ARHGAP26: variants seen among roughly 807,000 people sequenced by gnomAD.
ARHGAP26 encodes rho GTPase-activating protein 26.
ARHGAP26 carries 38 observed loss-of-function variants against 104.8 expected under a neutral mutation model. The observed-to-expected ratio is 0.36, with a 90% CI of 0.28 to 0.48. The LOEUF (loss-of-function observed/expected upper bound fraction) is 0.48, where lower values mean the gene tolerates loss of function less well. Among genes scored for constraint, ARHGAP26 ranks in the 20% least tolerant of loss-of-function variants. ARHGAP26 has a pLI of 0.99. For missense variants in ARHGAP26, 704 were observed against 947.9 expected, an observed-to-expected ratio of 0.74 and a Z score of 3.38; for synonymous variants, 341 against 340.0, an observed-to-expected ratio of 1.00 and a Z score of -0.03.
intron 1 of ARHGAP26, among the ~76,000 whole-genome samples, chr5:142,805,780 C>T (rs1223653383): frequency 6.6e-6 from 1 of 152,200 alleles, no homozygotes; most frequent in Non-Finnish European, 1.5e-5. Context: ...CTCTCCTTCT[C>T]TATGAAGCCA....
intron 1 of ARHGAP26, among the ~76,000 whole-genome samples, chr5:142,776,153 G>A (rs796813035): frequency 1.4e-4 from 22 of 152,038 alleles, no homozygotes; most frequent in African/African-American, 5.1e-4. Context: ...ATTATTTGTG[G>A]AGATGGGGGT....
intron 22 of ARHGAP26, among the ~76,000 whole-genome samples, chr5:143,215,141 C>G (rs146288263): frequency 6.6e-6 from 1 of 152,362 alleles, no homozygotes; most frequent in African/African-American, 2.4e-5. Context: ...GAAGACAAAC[C>G]AGAATGGGCT....
At chr5:143,191,344 G>C (rs1430333399) in intron 20 of ARHGAP26, among the ~76,000 whole-genome samples, 1 of 152,156 alleles carries the variant, frequency 6.6e-6, no homozygotes, top group Non-Finnish European at 1.5e-5. Context: ...TGCTTGAGTG[G>C]ACAAATATGC....
At chr5:143,002,285 C>T (rs971791201) in intron 11 of ARHGAP26, among the ~76,000 whole-genome samples, 13 of 151,392 alleles carry the variant, frequency 8.6e-5, no homozygotes, top group Non-Finnish European at 1.2e-4. Context: ...CATACCATCC[C>T]GAGGAATTTC....
intron 22 of ARHGAP26, among the ~76,000 whole-genome samples, chr5:143,219,954 G>T (rs980554849): frequency 6.6e-6 from 1 of 152,226 alleles, no homozygotes; most frequent in Non-Finnish European, 1.5e-5. Context: ...CATCTCCTGT[G>T]ACCTACCTTT....
intron 17 of ARHGAP26, among the ~76,000 whole-genome samples, chr5:143,074,907 C>T (rs17541441): frequency 0.16 from 23,706 of 152,232 alleles, 2,285 homozygotes; most frequent in South Asian, 0.29. Flanking sequence ...GAGGAGCTCA[C>T]AGCCTAGAGG....
intron 22 of ARHGAP26, chr5:143,216,840 A>C (rs1200992880): frequency 1.3e-5 from 2 of 153,348 alleles, no homozygotes; most frequent in African/African-American, 4.8e-5. Context: ...AAACGTTAGT[A>C]CACTTTCTCA....
intron 20 of ARHGAP26, among the ~76,000 whole-genome samples, chr5:143,150,771 T>A (rs1295120813): frequency 1.3e-5 from 2 of 152,218 alleles, no homozygotes; most frequent in Non-Finnish European, 2.9e-5. Flanking sequence ...CAGAAATTGA[T>A]TCCAAATGGA....
chr5:143,216,342 A>T (rs1240922160), intron 22 of ARHGAP26: 3 of 467,348 alleles, frequency 6.4e-6, no homozygotes, highest in Non-Finnish European at 1.3e-5. Flanking sequence ...AGCGAGAGTG[A>T]TCTTTGAAAA....
At chr5:143,094,789 G>C (rs923829126) in intron 17 of ARHGAP26, among the ~76,000 whole-genome samples, 1 of 152,090 alleles carries the variant, frequency 6.6e-6, no homozygotes, top group Admixed American at 6.5e-5. Flanking sequence ...GAGTGGTTTG[G>C]GGGGAAAATG....
chr5:142,820,609 G>A (rs1765967139), intron 1 of ARHGAP26, among the ~76,000 whole-genome samples: 1 of 152,196 alleles, frequency 6.6e-6, no homozygotes, highest in Admixed American at 6.5e-5. Context: ...CAGCAGGGGT[G>A]TATCTGTGCA....
At chr5:142,885,437 A>G (rs1757565112) in intron 5 of ARHGAP26, 38 bp downstream of exon 5, 2 of 1,550,366 alleles carry the variant, frequency 1.3e-6, no homozygotes, top group South Asian at 1.1e-5. Flanking sequence ...AAAGTGTTCA[A>G]TTTGTACATG....
intron 1 of ARHGAP26, among the ~76,000 whole-genome samples, chr5:142,820,291 T>C (rs1178025421): frequency 3.3e-5 from 5 of 152,300 alleles, no homozygotes; most frequent in African/African-American, 7.2e-5. Flanking sequence ...GTTAAAACTT[T>C]CTTGTTAAGA....
intron 11 of ARHGAP26, among the ~76,000 whole-genome samples, chr5:142,971,073 A>G (rs1157883068): frequency 6.6e-6 from 1 of 152,160 alleles, no homozygotes; most frequent in African/African-American, 2.4e-5. Context: ...AAATTTGAAG[A>G]CTGAGATACA....
chr5:143,084,719 C>T (rs1790303757), intron 17 of ARHGAP26, among the ~76,000 whole-genome samples: 1 of 152,124 alleles, frequency 6.6e-6, no homozygotes. Context: ...AGTCACACCT[C>T]TTTGCCTTTG....
At chr5:142,799,040 C>T (rs892115343) in intron 1 of ARHGAP26, among the ~76,000 whole-genome samples, 3 of 152,124 alleles carry the variant, frequency 2.0e-5, no homozygotes, top group Non-Finnish European at 2.9e-5. Flanking sequence ...TCTGGTATAC[C>T]TCGAAGAGAT....
At chr5:143,199,238 C>T (rs1807335822) in intron 20 of ARHGAP26, among the ~76,000 whole-genome samples, 1 of 152,142 alleles carries the variant, frequency 6.6e-6, no homozygotes, top group Non-Finnish European at 1.5e-5. Flanking sequence ...TTTTTCTGCT[C>T]ATAAAGTTGT....
At chr5:142,923,874 TTTTTTG>T (rs977464319) in intron 10 of ARHGAP26, among the ~76,000 whole-genome samples, 18 of 138,980 alleles carry the variant, frequency 1.3e-4, no homozygotes, top group African/African-American at 5.5e-4. Context: ...TTTTTTTTTT[TTTTTTG>T]ATACGGAGTC....
intron 1 of ARHGAP26, among the ~76,000 whole-genome samples, chr5:142,811,282 A>T (rs1313302063): frequency 6.6e-6 from 1 of 152,106 alleles, no homozygotes; most frequent in Non-Finnish European, 1.5e-5. Flanking sequence ...TGCTGGGTAT[A>T]CAGTAATATT....
Sources: gnomAD v4.1 joint callset for allele counts (sites outside exome capture counted in the v4.1 genomes callset) on GRCh38, gnomAD v4.1.1 for gene constraint, MANE v1.5 for transcripts, NCBI Gene and HGNC (gene_info 2026-07-23, HGNC 2026-07-21) for gene names.